The following AUTS2 variants were observed in gnomAD, a reference collection of about 807,000 sequenced individuals.
AUTS2 encodes the protein autism susceptibility gene 2 protein.
In AUTS2, 17 loss-of-function variants were observed where a neutral mutation model predicts 112.4. That is an observed-to-expected ratio of 0.15 (90% CI 0.10 to 0.23). The LOEUF (loss-of-function observed/expected upper bound fraction) is 0.23, where lower values mean the gene tolerates loss of function less well. Ranked by LOEUF, AUTS2 falls within the 10% of genes least tolerant of loss-of-function variation. The pLI, the probability that AUTS2 is intolerant of heterozygous loss-of-function variation, is 1.00. For missense variants in AUTS2, 1,510 were observed against 1,701.6 expected (o/e 0.89, Z 1.98); for synonymous variants, 751 against 702.7 (o/e 1.07, Z -1.09).
chr7:70,320,112 T>G (rs1199802213), intron 4 of AUTS2, among the ~76,000 whole-genome samples: 1 of 152,222 alleles, frequency 6.6e-6, no homozygotes, highest in Non-Finnish European at 1.5e-5. Flanking sequence ...TTTCTTTTTA[T>G]TGTCCTTAAG....
chr7:70,753,972 C>T (rs991493357), intron 6 of AUTS2, among the ~76,000 whole-genome samples: 38 of 151,216 alleles, frequency 2.5e-4, no homozygotes, highest in African/African-American at 8.3e-4. Flanking sequence ...CTGGCTAACA[C>T]GGTGAAACCC....
intron 1 of AUTS2, among the ~76,000 whole-genome samples, chr7:69,807,286 A>G (rs1256191391): frequency 1.3e-5 from 2 of 152,134 alleles, no homozygotes; most frequent in Non-Finnish European, 2.9e-5. Flanking sequence ...TGTTGAGTGT[A>G]TTAGTTACAT....
chr7:70,626,736 G>T (rs922170852), intron 5 of AUTS2, among the ~76,000 whole-genome samples: 1 of 152,094 alleles, frequency 6.6e-6, no homozygotes, highest in African/African-American at 2.4e-5. Context: ...CCAGTGGTTA[G>T]CCCCCACTTA....
At chr7:70,632,111 T>G (rs758262083) in intron 5 of AUTS2, among the ~76,000 whole-genome samples, 52 of 151,976 alleles carry the variant, frequency 3.4e-4, no homozygotes, top group Admixed American at 1.6e-3. Flanking sequence ...ACTAGGAAAT[T>G]AGATGGTCAG....
chr7:70,065,360 CTAGA>C (rs1198176198), intron 2 of AUTS2, among the ~76,000 whole-genome samples: 1 of 152,162 alleles, frequency 6.6e-6, no homozygotes, highest in Non-Finnish European at 1.5e-5. Context: ...ACTTTGTCAG[CTAGA>C]TACTTTCCTG....
intron 5 of AUTS2, among the ~76,000 whole-genome samples, chr7:70,650,258 C>T (rs10276134): frequency 0.24 from 36,470 of 152,056 alleles, 4,913 homozygotes; most frequent in Non-Finnish European, 0.31. Context: ...GGTTACATAC[C>T]GTCTCCTAAA....
chr7:69,920,978 C>G (rs547212750), intron 2 of AUTS2, among the ~76,000 whole-genome samples: 1 of 152,126 alleles, frequency 6.6e-6, no homozygotes, highest in Non-Finnish European at 1.5e-5. Flanking sequence ...TCACTAATCT[C>G]CCTCGTGGTT....
chr7:70,099,774 T>A (rs1339366030), intron 2 of AUTS2, among the ~76,000 whole-genome samples: 1 of 152,232 alleles, frequency 6.6e-6, no homozygotes, highest in Non-Finnish European at 1.5e-5. Context: ...AAACATTTTC[T>A]TGTAGTATTT....
In AUTS2 at chr7:70,582,956, T is replaced by C. The variant is rs139276704; in HGVS notation, c.691-115613T>C. Among the ~76,000 whole-genome samples the C allele has an allele frequency of 1.6e-4, 24 of 152,344 alleles. No homozygotes were observed. The East Asian group carries it at 3.7e-3, about 23-fold the overall frequency. Reference sequence around the variant, plus strand: ...TTTTTTTGGCTTTTCCCCCCAAACTTCTTTGGGTTAAAAATAGGGAAGGAC... The same window carrying C: ...TTTTTTTGGCTTTTCCCCCCAAACTCCTTTGGGTTAAAAATAGGGAAGGAC... On this transcript the variant is annotated intron_variant, in intron 5 of 18. Transcript: ENST00000342771.
intron 2 of AUTS2, among the ~76,000 whole-genome samples, chr7:69,904,887 G>T (rs1372224221): frequency 6.6e-6 from 1 of 152,194 alleles, no homozygotes; most frequent in Non-Finnish European, 1.5e-5. Flanking sequence ...TTGGAATATT[G>T]ATTGACTTGA....
At chr7:69,740,975 A>T (rs898526849) in intron 1 of AUTS2, among the ~76,000 whole-genome samples, 3 of 152,182 alleles carry the variant, frequency 2.0e-5, no homozygotes, top group Admixed American at 6.5e-5. Flanking sequence ...CAATAAAAAA[A>T]GTTCTGCTTC....
intron 5 of AUTS2, chr7:70,596,467 TC>T (rs1803216860): frequency 6.6e-6 from 1 of 152,350 alleles, no homozygotes; most frequent in South Asian, 2.1e-4. Flanking sequence ...CCCTCGGACT[TC>T]CGTCTTGAGT....
chr7:69,747,784 G>GGGGTGTGT lies in AUTS2; in HGVS notation c.309+147823_309+147824insGGTGTGTG, dbSNP rs373385601. Among the ~76,000 whole-genome samples, 162 of 144,600 alleles carry GGGGTGTGT rather than the reference G, an allele frequency of 1.1e-3. 1 individual carries two copies. Among genetic ancestry groups the GGGGTGTGT allele is most frequent in the South Asian group, 9.4e-3 (42 of 4,472 alleles). The allele number at this position is 144,600 out of a possible 152,430, so 94.9% of individuals were successfully genotyped here. ...TGTGACAGACAGAGAGAAGGAGAGG[G>GGGGTGTGT]GTGTGTGTGTGTGTGTGTGTGTGTG... On this transcript the variant is annotated intron_variant, in intron 1 of 18. Transcript: ENST00000342771.
At chr7:70,365,402 G>T (rs187065824) in intron 4 of AUTS2, among the ~76,000 whole-genome samples, 5 of 152,362 alleles carry the variant, frequency 3.3e-5, no homozygotes, top group African/African-American at 1.2e-4. Context: ...AACAGATGGA[G>T]AAACTTGTCC....
At chr7:70,752,962 A>T (rs1788962110) in intron 6 of AUTS2, among the ~76,000 whole-genome samples, 1 of 152,200 alleles carries the variant, frequency 6.6e-6, no homozygotes, top group South Asian at 2.1e-4. Flanking sequence ...ATTGTGGTTG[A>T]TACACCCCCC....
chr7:70,645,698 G>T (rs1019403150), intron 5 of AUTS2, among the ~76,000 whole-genome samples: 3 of 152,148 alleles, frequency 2.0e-5, no homozygotes, highest in East Asian at 1.9e-4. Context: ...TAACTTGTAT[G>T]TGCATTTTGA....
At chr7:69,902,482 G>A (rs960177965) in intron 2 of AUTS2, among the ~76,000 whole-genome samples, 2 of 152,146 alleles carry the variant, frequency 1.3e-5, no homozygotes, top group African/African-American at 2.4e-5. Flanking sequence ...AGATGAAATA[G>A]GGAAGAGGCG....
intron 2 of AUTS2, among the ~76,000 whole-genome samples, chr7:70,016,716 G>A (rs566392965): frequency 6.7e-6 from 1 of 149,030 alleles, no homozygotes; most frequent in South Asian, 2.1e-4. Flanking sequence ...TTCCTGGGCT[G>A]GAGTGCAGTA....
intron 4 of AUTS2, among the ~76,000 whole-genome samples, chr7:70,369,319 G>A (rs1792731477): frequency 6.6e-6 from 1 of 152,186 alleles, no homozygotes; most frequent in Non-Finnish European, 1.5e-5. Flanking sequence ...CTTTATTCAT[G>A]TTCTCAGAGA....
Sources: gnomAD v4.1 joint callset for allele counts (sites outside exome capture counted in the v4.1 genomes callset) on GRCh38, gnomAD v4.1.1 for gene constraint, MANE v1.5 for transcripts, NCBI Gene and HGNC (gene_info 2026-07-23, HGNC 2026-07-21) for gene names.